Variants in ZZZ3 observed in about 807,000 individuals in gnomAD.
The protein encoded by ZZZ3 is zinc finger ZZ-type containing 3, also known as ZZ-type zinc finger-containing protein 3.
ZZZ3 carries 22 observed loss-of-function variants against 95.2 expected under a neutral mutation model. The observed-to-expected ratio is 0.23, with a 90% CI of 0.17 to 0.33. The LOEUF is 0.33. ZZZ3 is among the 10% of genes least tolerant of loss of function. The pLI, the probability that ZZZ3 is intolerant of heterozygous loss-of-function variation, is 1.00. For missense variants in ZZZ3, 885 were observed against 1,066.5 expected (o/e 0.83, Z 2.37); for synonymous variants, 335 against 358.9 (o/e 0.93, Z 0.75).
intron 6 of ZZZ3, 85 bp from the exon 7 acceptor site, chr1:77,582,211 G>A: frequency 7.7e-7 from 1 of 1,296,902 alleles, no homozygotes; most frequent in Non-Finnish European, 1.1e-6. Context: ...ATTTTCAGAT[G>A]ACTCCAAATC....
chr1:77,575,068 C>T (rs1164484802), intron 12 of ZZZ3, among the ~76,000 whole-genome samples: 1 of 152,168 alleles, frequency 6.6e-6, no homozygotes, highest in Non-Finnish European at 1.5e-5. Context: ...CCTGTAGTCT[C>T]AGCTACTCAG....
At chr1:77,644,449 AAAG>A (rs1383058589) in intron 1 of ZZZ3, among the ~76,000 whole-genome samples, 10 of 152,334 alleles carry the variant, frequency 6.6e-5, no homozygotes, top group South Asian at 2.1e-4. Context: ...TACAATAATC[AAAG>A]AAGAGTACAT....
chr1:77,574,379 C>T (rs937047331), intron 12 of ZZZ3, among the ~76,000 whole-genome samples: 2 of 151,818 alleles, frequency 1.3e-5, no homozygotes, highest in Non-Finnish European at 2.9e-5. Context: ...TATTTAAGAT[C>T]GATTAGGGTA....
At chr1:77,598,176 A>G (rs1427017887) in intron 5 of ZZZ3, among the ~76,000 whole-genome samples, 1 of 152,176 alleles carries the variant, frequency 6.6e-6, no homozygotes, top group East Asian at 1.9e-4. Flanking sequence ...GCCTTACCAT[A>G]TAACATAAAC....
chr1:77,652,410 A>G (rs972158519), intron 1 of ZZZ3, among the ~76,000 whole-genome samples: 1 of 152,204 alleles, frequency 6.6e-6, no homozygotes. Flanking sequence ...CTTCACACCC[A>G]CTAGTATTGC....
At chr1:77,663,358 A>G (rs1003186601) in intron 1 of ZZZ3, among the ~76,000 whole-genome samples, 1 of 152,140 alleles carries the variant, frequency 6.6e-6, no homozygotes, top group African/African-American at 2.4e-5. Context: ...GTCTGGTGGT[A>G]TCCTGGATCT....
chr1:77,674,778 C>T (rs1278074569), intron 1 of ZZZ3, among the ~76,000 whole-genome samples: 2 of 151,710 alleles, frequency 1.3e-5, no homozygotes, highest in African/African-American at 4.8e-5. Flanking sequence ...ATGGCAAAAC[C>T]CCGTCTCTAC....
At chr1:77,636,734 G>A (rs908097797) in intron 4 of ZZZ3, among the ~76,000 whole-genome samples, 9 of 136,462 alleles carry the variant, frequency 6.6e-5, no homozygotes, top group South Asian at 2.3e-4. Flanking sequence ...AAAAAATCAC[G>A]TATAGTAAGG....
At position 77,604,499 on chromosome 1, in the gene ZZZ3, C is replaced by T. The variant is rs192341057; in HGVS notation, c.1506-19844G>A. ...TTGCAGGCTAGATTTCTAAAATCTTCGTAAATCAAGAAAGCAAGAATTACC... is the reference window on the plus strand; with the variant it reads ...TTGCAGGCTAGATTTCTAAAATCTTTGTAAATCAAGAAAGCAAGAATTACC... On this transcript the variant is annotated intron_variant, in intron 5 of 14. Coordinates refer to ENST00000370801, the MANE Select transcript of ZZZ3 (RefSeq NM_015534.6). Among the ~76,000 whole-genome samples the T allele has an allele frequency of 1.1e-3, 163 of 152,174 alleles. 1 individual carries two copies. Among genetic ancestry groups the T allele is most frequent in the African/African-American group, 3.7e-3 (153 of 41,508 alleles).
At chr1:77,665,141 T>G (rs1017818462) in intron 1 of ZZZ3, among the ~76,000 whole-genome samples, 1 of 152,144 alleles carries the variant, frequency 6.6e-6, no homozygotes, top group African/African-American at 2.4e-5. Flanking sequence ...GATCTGGCAA[T>G]AGAGTTAAAA....
chr1:77,573,523 ATAACTACGTATCTAATCCC>A (rs1344878952), intron 12 of ZZZ3, among the ~76,000 whole-genome samples: 2 of 152,238 alleles, frequency 1.3e-5, no homozygotes, highest in Non-Finnish European at 2.9e-5. Context: ...TATTTTGTTC[ATAACTACGTATCTAATCCC>A]TAGCAAAGCC....
rs190201149 is a variant in ZZZ3 at position 77,565,930 on chromosome 1, T to C, written c.2568-146A>G. The C allele has an allele frequency of 5.6e-3, 6,245 of 1,118,878 alleles. 37 individuals carry two copies. The highest frequency in any genetic ancestry group is 6.5e-3 in the Non-Finnish European group (5,212 of 796,114). The allele number at this position is 1,118,878 out of a possible 1,614,324, so 69.3% of individuals were successfully genotyped here. A position where few individuals can be genotyped will look rare whatever the true frequency, so the allele number is the denominator to read the frequency against. Reference sequence around the variant, plus strand: ...GAAAGTTACTTGACATGTGGTATGATTACAGAAAAAAATTAATTGCCTAGA... The same window carrying C: ...GAAAGTTACTTGACATGTGGTATGACTACAGAAAAAAATTAATTGCCTAGA... On this transcript the variant is annotated intron_variant, in intron 14 of 14. Transcript: ENST00000370801.
rs1413331261 is a variant in ZZZ3 at position 77,581,048 on chromosome 1, C to T, written c.1930G>A (p.Asp644Asn). The T allele has an allele frequency of 6.2e-7, 1 of 1,614,122 alleles. No individual in the cohort carries two copies. Among genetic ancestry groups the T allele is most frequent in the East Asian group, 2.2e-5 (1 of 44,884 alleles). Residue 644 changes from aspartate to asparagine, a missense_variant, in exon 9 of 15, where the codon GAT becomes AAT. By Grantham distance (23) the Asp-to-Asn change is conservative. This residue lies in a region of ZZZ3 where 99 missense variants were observed against 119.8 expected (regional missense o/e 0.83). Coordinates refer to ENST00000370801, the MANE Select transcript of ZZZ3 (RefSeq NM_015534.6). ...TTAAATGTTTCAGGTTTGGTATCAT[C>T]ACACAAGCGTCCTCTTATCATCTGC... ...RPQMIRGRLC[D>N]DTKPETFNQL...
At chr1:77,629,264 A>G (rs917930054) in intron 5 of ZZZ3, among the ~76,000 whole-genome samples, 22 of 152,032 alleles carry the variant, frequency 1.4e-4, no homozygotes, top group African/African-American at 5.3e-4. Flanking sequence ...TAATCATGAT[A>G]CTCCATCTCA....
At chr1:77,572,959 T>G (rs1387506401) in intron 12 of ZZZ3, among the ~76,000 whole-genome samples, 1 of 152,076 alleles carries the variant, frequency 6.6e-6, no homozygotes, top group African/African-American at 2.4e-5. Flanking sequence ...TTGTACTTTT[T>G]TTAAGTACTC....
intron 1 of ZZZ3, among the ~76,000 whole-genome samples, chr1:77,653,654 G>C (rs140922644): frequency 6.6e-6 from 1 of 152,068 alleles, no homozygotes; most frequent in Non-Finnish European, 1.5e-5. Flanking sequence ...TCGGGAGGCT[G>C]AGGCAGGAGA....
At chr1:77,624,183 T>C (rs1667133298) in intron 5 of ZZZ3, among the ~76,000 whole-genome samples, 3 of 152,196 alleles carry the variant, frequency 2.0e-5, no homozygotes, top group Non-Finnish European at 2.9e-5. Flanking sequence ...TTGTTCCTAA[T>C]AGTTGGTCTT....
At chr1:77,674,933 C>G (rs1236597594) in intron 1 of ZZZ3, among the ~76,000 whole-genome samples, 11 of 138,142 alleles carry the variant, frequency 8.0e-5, no homozygotes, top group Non-Finnish European at 1.7e-4. Context: ...GCCTGGGCAA[C>G]AGAGTAAGAC....
At chr1:77,642,598 A>C (rs1375620335) in intron 1 of ZZZ3, among the ~76,000 whole-genome samples, 2 of 152,004 alleles carry the variant, frequency 1.3e-5, no homozygotes, top group African/African-American at 4.8e-5. Flanking sequence ...AAAAAAAAAA[A>C]AAATGAAAAT....
Sources: gnomAD v4.1 joint callset for allele counts (sites outside exome capture counted in the v4.1 genomes callset) on GRCh38, gnomAD v4.1.1 for gene constraint, gnomAD v4.1.1 regional missense constraint, MANE v1.5 for transcripts, NCBI Gene and HGNC (gene_info 2026-07-23, HGNC 2026-07-21) for gene names.